The following ZC3H6 variants were observed in gnomAD, a reference collection of about 807,000 sequenced individuals.
The protein encoded by ZC3H6 is zinc finger CCCH-type containing 6, also known as zinc finger CCCH domain-containing protein 6.
Under a neutral mutation model 107.7 loss-of-function variants are expected in ZC3H6, and 40 were observed. The ratio of observed to expected loss-of-function variants is 0.37; its 90% CI spans 0.29 to 0.48. The LOEUF (loss-of-function observed/expected upper bound fraction) is 0.48, where lower values mean the gene tolerates loss of function less well. Among genes scored for constraint, ZC3H6 ranks in the 20% least tolerant of loss-of-function variants. The probability of loss-of-function intolerance (pLI) is 0.98; values close to 1 mark genes in which losing one functional copy is unlikely to be tolerated. For synonymous variants in ZC3H6, 493 were observed against 487.9 expected (o/e 1.01, Z -0.14); for missense variants, 1,267 against 1,410.4 (o/e 0.90, Z 1.63).
chr2:112,317,381 G>A, intron 7 of ZC3H6, 49 bp downstream of exon 7: 9 of 1,064,212 alleles, frequency 8.5e-6, no homozygotes, highest in African/African-American at 1.7e-5. Flanking sequence ...GGGTTTTAAA[G>A]CATCATTGAG....
In ZC3H6 at chr2:112,331,389, A is replaced by C. The variant is rs773069605; in HGVS notation, c.2471A>C (p.Asp824Ala). ...TNVKHKRGDD[D>A]DEDTERELRE... ...GTCAAACACAAAAGAGGCGATGATG[A>C]TGATGAAGATACAGAAAGAGAACTG... The change falls in exon 12 of 12, where the codon GAT (aspartate) becomes GCT (alanine). Residue 824 changes from aspartate to alanine, a missense_variant. Physicochemically the swap from Asp to Ala is moderately radical, Grantham distance 126 (BLOSUM62 -2). This residue lies in a region of ZC3H6 where 925 missense variants were observed against 1,025.7 expected (regional missense o/e 0.90). Transcript: ENST00000409871. 6.8e-6 allele frequency: 11 copies of C among 1,613,676 alleles called. No homozygotes were observed. The East Asian group carries it at 2.2e-4, about 33-fold the overall frequency.
chr2:112,291,916 C>G (rs1676126937), intron 1 of ZC3H6, among the ~76,000 whole-genome samples: 1 of 152,068 alleles, frequency 6.6e-6, no homozygotes, highest in Non-Finnish European at 1.5e-5. Flanking sequence ...TAGGGGTTCA[C>G]CATGTTGACC....
intron 1 of ZC3H6, among the ~76,000 whole-genome samples, chr2:112,290,296 C>T (rs1676086483): frequency 6.6e-6 from 1 of 152,246 alleles, no homozygotes; most frequent in Non-Finnish European, 1.5e-5. Flanking sequence ...ATACTCTGTT[C>T]TGCACAGAAG....
intron 11 of ZC3H6, among the ~76,000 whole-genome samples, chr2:112,330,430 A>G (rs893847856): frequency 6.6e-6 from 1 of 152,224 alleles, no homozygotes; most frequent in Non-Finnish European, 1.5e-5. Context: ...TATAATAAAG[A>G]GTAAATGAAA....
At position 112,334,428 on chromosome 2, in the gene ZC3H6, T is replaced by C. The variant is rs901228701; in HGVS notation, c.*1940T>C. On this transcript the variant is annotated 3_prime_UTR_variant, in exon 12 of 12. Transcript: ENST00000409871. ...CATCATACAAAAAAGATAATTTGGC[T>C]TGCTAAACATCAAAATAGAATCCAA... 1 of 152,114 alleles carries C rather than the reference T, an allele frequency of 6.6e-6. No homozygotes were observed. Among genetic ancestry groups the C allele is most frequent in the African/African-American group, 2.4e-5 (1 of 41,448 alleles). The allele number at this position is 152,114 out of a possible 1,614,324, so 9.4% of individuals were successfully genotyped here. A position where few individuals can be genotyped will look rare whatever the true frequency, so the allele number is the denominator to read the frequency against.
intron 9 of ZC3H6, among the ~76,000 whole-genome samples, chr2:112,323,824 A>G (rs1000315514): frequency 1.3e-5 from 2 of 152,222 alleles, no homozygotes; most frequent in African/African-American, 2.4e-5. Context: ...ATGCCTGAAA[A>G]AGAGGACTAG....
chr2:112,278,069 C>T (rs1444790592), intron 1 of ZC3H6, among the ~76,000 whole-genome samples: 2 of 152,162 alleles, frequency 1.3e-5, no homozygotes, highest in Non-Finnish European at 2.9e-5. Flanking sequence ...ATCAGAATCA[C>T]TTTGGGGAAT....
At chr2:112,283,050 T>C (rs754402049) in intron 1 of ZC3H6, among the ~76,000 whole-genome samples, 15 of 152,224 alleles carry the variant, frequency 9.9e-5, no homozygotes, top group Non-Finnish European at 1.9e-4. Flanking sequence ...AATTTAGTCC[T>C]ATCTTTTGCT....
intron 7 of ZC3H6, among the ~76,000 whole-genome samples, chr2:112,321,216 A>G (rs978109683): frequency 6.6e-6 from 1 of 151,948 alleles, no homozygotes; most frequent in Non-Finnish European, 1.5e-5. Flanking sequence ...TTATTGGGAT[A>G]TTTGCCTTTA....
chr2:112,326,366 C>G (rs750457632), intron 11 of ZC3H6, among the ~76,000 whole-genome samples: 5 of 152,190 alleles, frequency 3.3e-5, no homozygotes, highest in Non-Finnish European at 5.9e-5. Context: ...TATCTGCCAG[C>G]TACCCTTCCC....
At chr2:112,299,807 G>T in intron 1 of ZC3H6, 42 bp from the exon 2 acceptor site, 1 of 1,301,940 alleles carries the variant, frequency 7.7e-7, no homozygotes, top group South Asian at 2.1e-5. Context: ...TGTAAGATTT[G>T]TTTTAGAATG....
chr2:112,281,923 A>G (rs1322077497), intron 1 of ZC3H6, among the ~76,000 whole-genome samples: 1 of 152,134 alleles, frequency 6.6e-6, no homozygotes, highest in Non-Finnish European at 1.5e-5. Context: ...AAATATTTTA[A>G]GGTTTGAATG....
Position 112,339,522 on chromosome 2 carries a change from A to T in ZC3H6, c.*7034A>T, listed in dbSNP as rs1222099357. ...GCTCCAGGGCCCAGGTCATTTTGTT[A>T]TTAGTCTAGGGCTTTTGTCCTCCAC... On this transcript the variant is annotated 3_prime_UTR_variant, in exon 12 of 12. Coordinates refer to ENST00000409871, the MANE Select transcript of ZC3H6 (RefSeq NM_198581.3). 2 of 152,066 alleles carry T rather than the reference A, an allele frequency of 1.3e-5. No individual in the cohort carries two copies. The highest frequency in any genetic ancestry group is 1.3e-4 in the Admixed American group (2 of 15,250). 9.4% of individuals were successfully genotyped at this position (152,066 alleles called of 1,614,324 possible).
chr2:112,339,005 C>T lies in ZC3H6; in HGVS notation c.*6517C>T, dbSNP rs1048607076. 4 of 150,772 alleles carry T rather than the reference C, an allele frequency of 2.7e-5. No homozygotes were observed. Among genetic ancestry groups the T allele is most frequent in the East Asian group, 3.9e-4 (2 of 5,136 alleles). 9.3% of individuals were successfully genotyped at this position (150,772 alleles called of 1,614,324 possible). A position where few individuals can be genotyped will look rare whatever the true frequency, so the allele number is the denominator to read the frequency against. On this transcript the variant is annotated 3_prime_UTR_variant, in exon 12 of 12. Transcript: ENST00000409871. Reference sequence around the variant, plus strand: ...TGCCTCCCAGGTTCAAGCAATTCTGCCTCAGCCTCCCGAGTAGCTGGAATT... The same window carrying T: ...TGCCTCCCAGGTTCAAGCAATTCTGTCTCAGCCTCCCGAGTAGCTGGAATT...
intron 1 of ZC3H6, among the ~76,000 whole-genome samples, chr2:112,276,959 G>A (rs1281185460): frequency 2.0e-5 from 3 of 151,982 alleles, no homozygotes; most frequent in Admixed American, 6.6e-5. Flanking sequence ...GTGAATAGAA[G>A]TAAGAAAAAA....
At chr2:112,310,781 A>G (rs150472174) in intron 4 of ZC3H6, among the ~76,000 whole-genome samples, 1 of 152,352 alleles carries the variant, frequency 6.6e-6, no homozygotes, top group Non-Finnish European at 1.5e-5. Flanking sequence ...AAGTGGAGCA[A>G]TATGAGACTG....
intron 2 of ZC3H6, among the ~76,000 whole-genome samples, chr2:112,300,723 T>G (rs1431644697): frequency 6.6e-6 from 1 of 151,910 alleles, no homozygotes; most frequent in African/African-American, 2.4e-5. Flanking sequence ...TAGTAGTGAG[T>G]GAAATAGTTG....
At chr2:112,322,435 A>G (rs555936651) in intron 8 of ZC3H6, among the ~76,000 whole-genome samples, 3 of 151,842 alleles carry the variant, frequency 2.0e-5, no homozygotes, top group East Asian at 3.9e-4. Context: ...TTGTAGAGAC[A>G]GGGGTTTCTC....
rs566498859 is a variant in ZC3H6 at position 112,286,113 on chromosome 2, T to C, written c.32+10087T>C. On this transcript the variant is annotated intron_variant, in intron 1 of 11. Transcript: ENST00000409871. ...TTTCCTTCCCAGATAAGTTTTTCTT[T>C]CCTATCCATGTCAGTTTTAAAAACA... 3.1e-5 allele frequency: 11 copies of C among 359,752 alleles called. No individual in the cohort carries two copies. In the East Asian group the frequency reaches 7.2e-4, roughly 24 times the overall value. 22.3% of individuals were successfully genotyped at this position (359,752 alleles called of 1,614,324 possible).
Sources: gnomAD v4.1 joint callset for allele counts (sites outside exome capture counted in the v4.1 genomes callset) on GRCh38, gnomAD v4.1.1 for gene constraint, gnomAD v4.1.1 regional missense constraint, MANE v1.5 for transcripts, NCBI Gene and HGNC (gene_info 2026-07-23, HGNC 2026-07-21) for gene names.